The following CTNNA2 variants were observed in gnomAD, a reference collection of about 807,000 sequenced individuals.
The protein encoded by CTNNA2 is catenin alpha-2.
Under a neutral mutation model 101.0 loss-of-function variants are expected in CTNNA2, and 42 were observed. The ratio of observed to expected loss-of-function variants is 0.42; its 90% CI spans 0.32 to 0.54. The LOEUF is 0.54. Among genes scored for constraint, CTNNA2 ranks in the 20% least tolerant of loss-of-function variants. The pLI is 0.14. For synonymous variants in CTNNA2, 450 were observed against 456.4 expected (o/e 0.99, Z 0.18); for missense variants, 871 against 1,223.1 (o/e 0.71, Z 4.29).
intron 15 of CTNNA2, among the ~76,000 whole-genome samples, chr2:80,597,550 G>C (rs900685844): frequency 6.6e-6 from 1 of 151,870 alleles, no homozygotes; most frequent in Admixed American, 6.6e-5. Flanking sequence ...CTACAGAATG[G>C]GATAAATTTT....
At position 79,717,560 on chromosome 2, in the gene CTNNA2, G is replaced by A. The variant is rs543484999; in HGVS notation, c.103-26827G>A. 7.9e-5 allele frequency among the ~76,000 whole-genome samples: 12 copies of A among 152,242 alleles called. No homozygotes were observed. The East Asian group carries it at 1.6e-3, about 20-fold the overall frequency. ...TTCCTAGGTGGCTGGAGCTTGACCCGATCATTCCTAAGATTCCATTGTCCT... is the reference window on the plus strand; with the variant it reads ...TTCCTAGGTGGCTGGAGCTTGACCCAATCATTCCTAAGATTCCATTGTCCT... On this transcript the variant is annotated intron_variant, in intron 2 of 18. Coordinates refer to ENST00000402739, the MANE Select transcript of CTNNA2 (RefSeq NM_001282597.3).
chr2:79,952,736 G>A (rs1456964392), intron 7 of CTNNA2, among the ~76,000 whole-genome samples: 1 of 152,144 alleles, frequency 6.6e-6, no homozygotes, highest in Non-Finnish European at 1.5e-5. Context: ...ATGGCCTGGC[G>A]CATGTTTTTG....
intron 2 of CTNNA2, among the ~76,000 whole-genome samples, chr2:79,669,486 T>A (rs954539207): frequency 3.9e-5 from 6 of 152,108 alleles, no homozygotes; most frequent in African/African-American, 1.4e-4. Context: ...GCGCAGACAA[T>A]TGAAGGGTGA....
intron 3 of CTNNA2, among the ~76,000 whole-genome samples, chr2:79,314,229 G>A (rs1210593256): frequency 1.3e-5 from 2 of 152,076 alleles, no homozygotes; most frequent in African/African-American, 2.4e-5. Flanking sequence ...ATTCTCTTTA[G>A]TACTGCAGCA....
At chr2:79,680,317 G>GT (rs1376632969) in intron 2 of CTNNA2, among the ~76,000 whole-genome samples, 1 of 151,870 alleles carries the variant, frequency 6.6e-6, no homozygotes, top group Non-Finnish European at 1.5e-5. Context: ...GTTATTTTTA[G>GT]TTTGAGTCCA....
At chr2:79,901,620 G>A (rs773170074) in intron 6 of CTNNA2, among the ~76,000 whole-genome samples, 6 of 152,250 alleles carry the variant, frequency 3.9e-5, no homozygotes, top group Non-Finnish European at 8.8e-5. Context: ...GTACGTTTCA[G>A]ATGACTAAGT....
At chr2:80,602,904 C>A (rs1697673416) in intron 15 of CTNNA2, among the ~76,000 whole-genome samples, 2 of 152,076 alleles carry the variant, frequency 1.3e-5, no homozygotes, top group East Asian at 3.9e-4. Context: ...GTAGAAAAAT[C>A]CAAGAAGGTG....
At chr2:80,646,122 C>T (rs187874033) in intron 18 of CTNNA2, among the ~76,000 whole-genome samples, 160 of 152,136 alleles carry the variant, frequency 1.1e-3, no homozygotes, top group African/African-American at 2.7e-3. Flanking sequence ...AGAAATGATA[C>T]GAAGCTAAAG....
rs13386080 is a variant in CTNNA2 at position 80,388,726 on chromosome 2, T to G, written c.1057-4485T>G. Among the ~76,000 whole-genome samples, 891 of 152,316 alleles carry G rather than the reference T, an allele frequency of 5.8e-3. 4 individuals carry two copies. Among genetic ancestry groups the G allele is most frequent in the African/African-American group, 0.02 (838 of 41,566 alleles). On this transcript the variant is annotated intron_variant, in intron 7 of 18. Transcript: ENST00000402739. ...CTGACTTAACACCACACATTTTGCT[T>G]TTATTATTAGGTGATGATGTCAAAA...
intron 7 of CTNNA2, among the ~76,000 whole-genome samples, chr2:80,084,862 A>G (rs1699348645): frequency 6.6e-6 from 1 of 152,100 alleles, no homozygotes; most frequent in Non-Finnish European, 1.5e-5. Context: ...ATGAAAAAAA[A>G]TTGTGAAGGC....
intron 7 of CTNNA2, among the ~76,000 whole-genome samples, chr2:80,346,192 G>A (rs1044431008): frequency 6.6e-6 from 1 of 152,198 alleles, no homozygotes; most frequent in Admixed American, 6.5e-5. Flanking sequence ...TTCTTGCATT[G>A]CTTTAAAGAA....
intron 3 of CTNNA2, among the ~76,000 whole-genome samples, chr2:79,770,173 G>T (rs75041104): frequency 0.12 from 17,571 of 152,080 alleles, 1,116 homozygotes; most frequent in Admixed American, 0.17. Context: ...GCAATGCACA[G>T]GACAGCCATC....
At chr2:80,515,221 T>A in intron 9 of CTNNA2, among the ~76,000 whole-genome samples, 1 of 152,094 alleles carries the variant, frequency 6.6e-6, no homozygotes, top group East Asian at 1.9e-4. Context: ...AAATAGGATT[T>A]TTTTCTTGGA....
intron 9 of CTNNA2, among the ~76,000 whole-genome samples, chr2:80,480,780 C>T (rs1686081904): frequency 6.6e-6 from 1 of 152,060 alleles, no homozygotes; most frequent in South Asian, 2.1e-4. Flanking sequence ...CCTCTATATG[C>T]TAGTTTTCTC....
intron 7 of CTNNA2, among the ~76,000 whole-genome samples, chr2:80,067,917 C>T (rs150790403): frequency 0.016 from 2,384 of 152,232 alleles, 38 homozygotes; most frequent in Non-Finnish European, 0.027. Context: ...AGTCAAGCCT[C>T]GAGGTGACTT....
At chr2:80,216,401 TG>T (rs1708271725) in intron 7 of CTNNA2, among the ~76,000 whole-genome samples, 1 of 152,180 alleles carries the variant, frequency 6.6e-6, no homozygotes, top group Non-Finnish European at 1.5e-5. Context: ...TTAATTAATA[TG>T]GAAAATAACA....
chr2:79,704,122 T>C (rs1485189842), intron 2 of CTNNA2, among the ~76,000 whole-genome samples: 3 of 152,232 alleles, frequency 2.0e-5, no homozygotes. Context: ...TATTCATCAT[T>C]GTATTTTTAG....
At position 79,306,626 on chromosome 2, in the gene CTNNA2, C is replaced by G. The variant is rs74668694; in HGVS notation, c.-405-6083C>G. Among the ~76,000 whole-genome samples the G allele has an allele frequency of 5.7e-4, 86 of 151,976 alleles. No homozygotes were observed. The East Asian group carries it at 0.014, about 25-fold the overall frequency. On this transcript the variant is annotated intron_variant, in intron 2 of 21. Transcript: ENST00000466387. ...CAATGCTGAAAGCAATATTTTTGCCCCATTTATGCATACCTCTGGGTATCT... is the reference window on the plus strand; with the variant it reads ...CAATGCTGAAAGCAATATTTTTGCCGCATTTATGCATACCTCTGGGTATCT...
At chr2:79,447,588 T>C (rs1185847272) in intron 4 of CTNNA2, among the ~76,000 whole-genome samples, 2 of 151,998 alleles carry the variant, frequency 1.3e-5, no homozygotes, top group African/African-American at 4.8e-5. Flanking sequence ...TCATGCAGTT[T>C]ATTACCTGCC....
Sources: gnomAD v4.1 joint callset for allele counts (sites outside exome capture counted in the v4.1 genomes callset) on GRCh38, gnomAD v4.1.1 for gene constraint, MANE v1.5 for transcripts, NCBI Gene and HGNC (gene_info 2026-07-23, HGNC 2026-07-21) for gene names.